ZNF17: variants seen among roughly 807,000 people sequenced by gnomAD.
ZNF17 encodes the protein zinc finger protein 17, also known as zinc finger protein 17 (HPF3, KOX 10).
In ZNF17, 4 loss-of-function variants were observed where a neutral mutation model predicts 7.7. The ratio of observed to expected loss-of-function variants is 0.52; its 90% CI spans 0.26 to 1.20. ZNF17 has a LOEUF of 1.20. ZNF17 is among the 50% of genes most tolerant of loss of function. The pLI, the probability that ZNF17 is intolerant of heterozygous loss-of-function variation, is 0.14. For synonymous variants in ZNF17, 249 were observed against 258.8 expected (o/e 0.96, Z 0.36); for missense variants, 738 against 799.5 (o/e 0.92, Z 0.93).
intron 2 of ZNF17, among the ~76,000 whole-genome samples, chr19:57,416,942 C>T (rs1195466604): frequency 6.6e-6 from 1 of 152,090 alleles, no homozygotes; most frequent in Admixed American, 6.5e-5. Flanking sequence ...CTTCCTCCTT[C>T]AGAAGTGGGT....
intron 2 of ZNF17, among the ~76,000 whole-genome samples, chr19:57,417,257 C>G (rs1237715247): frequency 6.6e-6 from 1 of 152,048 alleles, no homozygotes; most frequent in East Asian, 1.9e-4. Flanking sequence ...GAGCATATAT[C>G]AGTGGCTTTA....
chr19:57,420,931 T>G lies in ZNF17; in HGVS notation c.1445T>G (p.Val482Gly). ...TGCAGTGAATGTGGCAAATTCTTTG[T>G]GGACAGCTGTACACTGAAGAGTCAT... The part of the protein sequence containing the change: ...YECSECGKFF[V>G]DSCTLKSHQR... The change falls in exon 4 of 4, where the codon GTG (valine) becomes GGG (glycine). Residue 482 changes from valine to glycine, a missense_variant. By Grantham distance (109) the Val-to-Gly change is moderately radical. Coordinates refer to ENST00000307658, the MANE Select transcript of ZNF17 (RefSeq NM_001330617.2). 1 of 1,613,620 alleles carries G rather than the reference T, an allele frequency of 6.2e-7. No individual in the cohort carries two copies. Among genetic ancestry groups the G allele is most frequent in the Non-Finnish European group, 8.5e-7 (1 of 1,179,836 alleles).
rs1280355541 is a variant in ZNF17 at position 57,421,340 on chromosome 19, G to A, written c.1854G>A (p.Gly618=). ...AGCCTTATGAGTGCAGTGAATGTGG[G>A]AAAGTCTTTAGATACAACTCCAGCC... ...GEKPYECSEC[G]KVFRYNSSLI... is the part of the protein sequence containing the mutation. Residue 618 remains glycine, a synonymous_variant, in exon 4 of 4, where the codon GGG becomes GGA. Transcript: ENST00000307658. The A allele has an allele frequency of 6.2e-7, 1 of 1,614,080 alleles. No individual in the cohort carries two copies. The highest frequency in any genetic ancestry group is 1.7e-5 in the Admixed American group (1 of 60,006).
At chr19:57,412,414 C>G (rs1002275343) in intron 1 of ZNF17, among the ~76,000 whole-genome samples, 1 of 151,844 alleles carries the variant, frequency 6.6e-6, no homozygotes, top group African/African-American at 2.4e-5. Context: ...CTTATCCCCT[C>G]CCTGCAACTT....
chr19:57,411,234 G>T lies in ZNF17; in HGVS notation c.-193G>T. On this transcript the variant is annotated 5_prime_UTR_variant, in exon 1 of 4. It removes the in-frame stop codon of an upstream open reading frame in the 5' UTR. Coordinates refer to ENST00000307658, the MANE Select transcript of ZNF17 (RefSeq NM_001330617.2). Reference sequence around the variant, plus strand: ...CTTCAGGCTGAGTCGAGACTGAGGTGAAAAAGCGGAAAAACGCGAGAAAAG... The same window carrying T: ...CTTCAGGCTGAGTCGAGACTGAGGTTAAAAAGCGGAAAAACGCGAGAAAAG... 1 of 1,083,014 alleles carries T rather than the reference G, an allele frequency of 9.2e-7. No individual in the cohort carries two copies. Among genetic ancestry groups the T allele is most frequent in the Non-Finnish European group, 1.3e-6 (1 of 767,008 alleles). The allele number at this position is 1,083,014 out of a possible 1,614,324, so 67.1% of individuals were successfully genotyped here.
At chr19:57,418,551 C>A (rs993806082) in intron 3 of ZNF17, among the ~76,000 whole-genome samples, 1 of 152,162 alleles carries the variant, frequency 6.6e-6, no homozygotes, top group African/African-American at 2.4e-5. Context: ...CCCTGTCTTT[C>A]CCCTAGCTTG....
At position 57,420,651 on chromosome 19, in the gene ZNF17, G is replaced by A; in HGVS notation, c.1165G>A (p.Glu389Lys). The change falls in exon 4 of 4, where the codon GAA becomes AAA. Residue 389 changes from glutamate (E) to lysine (K), a missense_variant. Transcript: ENST00000307658. ...QRVHTGEKPY[E>K]CNECGKFFRY... ...AGTTCATACTGGAGAAAAACCTTATGAATGCAACGAATGTGGGAAATTCTT... is the reference window on the plus strand; with the variant it reads ...AGTTCATACTGGAGAAAAACCTTATAAATGCAACGAATGTGGGAAATTCTT... 1 of 1,613,198 alleles carries A rather than the reference G, an allele frequency of 6.2e-7. No individual in the cohort carries two copies. The highest frequency in any genetic ancestry group is 8.5e-7 in the Non-Finnish European group (1 of 1,179,376).
intron 1 of ZNF17, among the ~76,000 whole-genome samples, chr19:57,412,054 G>C (rs2088780670): frequency 7.2e-6 from 1 of 138,918 alleles, no homozygotes; most frequent in African/African-American, 2.8e-5. Flanking sequence ...TTGGAGGGCA[G>C]ATCATGGGTG....
At chr19:57,417,875 A>G in intron 2 of ZNF17, 37 bp from the exon 3 acceptor site, 1 of 1,587,804 alleles carries the variant, frequency 6.3e-7, no homozygotes, top group Non-Finnish European at 8.5e-7. Flanking sequence ...AAGAAAAAAA[A>G]AGTTGCTCAC....
At chr19:57,416,864 A>G (rs996616747) in intron 2 of ZNF17, among the ~76,000 whole-genome samples, 1 of 152,142 alleles carries the variant, frequency 6.6e-6, no homozygotes, top group Admixed American at 6.5e-5. Flanking sequence ...TCTTTGTTCT[A>G]TACTGGAGTC....
At chr19:57,412,235 G>A (rs2088781880) in intron 1 of ZNF17, among the ~76,000 whole-genome samples, 1 of 152,130 alleles carries the variant, frequency 6.6e-6, no homozygotes, top group Admixed American at 6.5e-5. Context: ...CAGCCCCCCA[G>A]GCCCACTCTG....
At chr19:57,413,658 C>G (rs1338609097) in intron 2 of ZNF17, 22 bp downstream of exon 2, 1 of 1,536,078 alleles carries the variant, frequency 6.5e-7, no homozygotes, top group Non-Finnish European at 8.7e-7. Context: ...GTGTTTCCAG[C>G]TTTCACCCAT....
At chr19:57,418,152 C>G in intron 3 of ZNF17, 114 bp downstream of exon 3, 1 of 1,369,442 alleles carries the variant, frequency 7.3e-7, no homozygotes, top group Admixed American at 2.2e-5. Context: ...TCCTGGTTTC[C>G]TGGCATATGT....
chr19:57,416,464 T>C (rs554019621), intron 2 of ZNF17, among the ~76,000 whole-genome samples: 56 of 152,016 alleles, frequency 3.7e-4, no homozygotes, highest in South Asian at 8.3e-4. Context: ...TCTAGGGAAA[T>C]TGAGTGACAA....
intron 3 of ZNF17, 98 bp downstream of exon 3, chr19:57,418,136 A>G: frequency 6.9e-7 from 1 of 1,456,354 alleles, no homozygotes; most frequent in Non-Finnish European, 9.3e-7. Flanking sequence ...TGGATGCTGC[A>G]TCCTCTCCTG....
At position 57,420,252 on chromosome 19, in the gene ZNF17, G is replaced by T. The variant is rs1449292011; in HGVS notation, c.766G>T (p.Ala256Ser). 6.2e-7 allele frequency: 1 copy of T among 1,614,102 alleles called. No homozygotes were observed. The highest frequency in any genetic ancestry group is 2.2e-5 in the East Asian group (1 of 44,870). The change falls in exon 4 of 4, where the codon GCC (alanine) becomes TCC (serine). Residue 256 changes from alanine (A) to serine (S), a missense_variant. By Grantham distance (99) the Ala-to-Ser change is moderately conservative. This residue lies in a region of ZNF17 where 616 missense variants were observed against 663.9 expected (regional missense o/e 0.93). Transcript: ENST00000307658. ...RPYKCSECGK[A>S]FSLKYNVVQH... ...TTATAAGTGTAGTGAATGTGGAAAA[G>T]CCTTCAGCCTCAAATACAATGTTGT...
chr19:57,413,563 G>A, intron 1 of ZNF17, 33 bp from the exon 2 acceptor site: 1 of 1,535,328 alleles, frequency 6.5e-7, no homozygotes, highest in South Asian at 1.2e-5. Context: ...CTGCAATGCT[G>A]TCTTAATCCT....
chr19:57,413,778 G>A (rs2088793664), intron 2 of ZNF17, 142 bp downstream of exon 2: 1 of 1,041,920 alleles, frequency 9.6e-7, no homozygotes, highest in Non-Finnish European at 1.4e-6. Flanking sequence ...CACCAGACCT[G>A]GGTTCCAAAC....
chr19:57,411,664 C>G, intron 1 of ZNF17: 1 of 1,338,920 alleles, frequency 7.5e-7, no homozygotes, highest in Non-Finnish European at 9.6e-7. Flanking sequence ...GAGGCGGAGT[C>G]TCGCCTGGGA....
Sources: gnomAD v4.1 joint callset for allele counts (sites outside exome capture counted in the v4.1 genomes callset) on GRCh38, gnomAD v4.1.1 for gene constraint, gnomAD v4.1.1 regional missense constraint, MANE v1.5 for transcripts, NCBI Gene and HGNC (gene_info 2026-07-23, HGNC 2026-07-21) for gene names.